Variants in RANBP2 observed in about 807,000 individuals in gnomAD.
The protein encoded by RANBP2 is E3 SUMO-protein ligase RanBP2.
RANBP2 carries 57 observed loss-of-function variants against 303.6 expected under a neutral mutation model. The observed-to-expected ratio is 0.19, with a 90% CI of 0.15 to 0.23. RANBP2 has a LOEUF of 0.23. Ranked by LOEUF, RANBP2 falls within the 10% of genes least tolerant of loss-of-function variation. The pLI is 1.00. For missense variants in RANBP2, 3,138 were observed against 3,780.8 expected (o/e 0.83, Z 4.46); for synonymous variants, 1,167 against 1,301.5 (o/e 0.90, Z 2.23).
the RANBP2 span, chr2:109,501,708 AG>A: frequency 1.4e-6 from 1 of 723,628 alleles, no homozygotes; most frequent in Admixed American, 1.9e-5. Flanking sequence ...ACAGAGGGGG[AG>A]GCCGCCTGGG....
chr2:109,631,782 T>C, the RANBP2 span, among the ~76,000 whole-genome samples: 1 of 151,962 alleles, frequency 6.6e-6, no homozygotes, highest in Non-Finnish European at 1.5e-5. Context: ...GAAAGAAATC[T>C]CATTATCTCT....
At chr2:109,698,199 C>G in the RANBP2 span, among the ~76,000 whole-genome samples, 1 of 151,980 alleles carries the variant, frequency 6.6e-6, no homozygotes, top group East Asian at 1.9e-4. Flanking sequence ...ATAAATTAAC[C>G]CAGTTTTTTT....
chr2:109,049,762 G>A, the RANBP2 span, among the ~76,000 whole-genome samples: 1 of 152,184 alleles, frequency 6.6e-6, no homozygotes, highest in African/African-American at 2.4e-5. Context: ...GGGGATTTAT[G>A]GAGTGTTTCA....
chr2:109,509,564 T>G, the RANBP2 span, among the ~76,000 whole-genome samples: 1 of 152,108 alleles, frequency 6.6e-6, no homozygotes, highest in Non-Finnish European at 1.5e-5. Flanking sequence ...CTTTTTAAAA[T>G]GAATTTGTGT....
chr2:109,763,051 T>G, the RANBP2 span, among the ~76,000 whole-genome samples: 1 of 149,874 alleles, frequency 6.7e-6, no homozygotes, highest in Non-Finnish European at 1.5e-5. Context: ...TTGAGAACTT[T>G]CTGTGTGTCC....
chr2:109,078,096 A>ATATATATATATATAGCGTG, the RANBP2 span, among the ~76,000 whole-genome samples: 13 of 54,636 alleles, frequency 2.4e-4, 1 homozygote, highest in East Asian at 3.6e-3. Flanking sequence ...ATATATATAT[A>ATATATATATATATAGCGTG]TATATATATA....
At chr2:109,070,508 T>C in the RANBP2 span, among the ~76,000 whole-genome samples, 1 of 152,062 alleles carries the variant, frequency 6.6e-6, no homozygotes, top group Non-Finnish European at 1.5e-5. Context: ...GCTGCTGACA[T>C]CATCTTGGTG....
the RANBP2 span, among the ~76,000 whole-genome samples, chr2:109,573,907 T>C: frequency 6.6e-6 from 1 of 152,220 alleles, no homozygotes; most frequent in Non-Finnish European, 1.5e-5. Flanking sequence ...CAATATCTAA[T>C]GCAACATTAG....
the RANBP2 span, among the ~76,000 whole-genome samples, chr2:109,517,251 C>T: frequency 2.0e-5 from 3 of 152,158 alleles, no homozygotes; most frequent in African/African-American, 7.2e-5. Context: ...CCCCCTCCCA[C>T]GCCATCGCCC....
the RANBP2 span, among the ~76,000 whole-genome samples, chr2:109,461,727 T>C: frequency 6.6e-6 from 1 of 152,330 alleles, no homozygotes; most frequent in African/African-American, 2.4e-5. Context: ...TCTGCCACAA[T>C]AGTGCCTCAG....
At chr2:108,727,715 G>A (rs1173326660) in intron 1 of RANBP2, among the ~76,000 whole-genome samples, 1 of 147,662 alleles carries the variant, frequency 6.8e-6, no homozygotes, top group Non-Finnish European at 1.5e-5. Flanking sequence ...GCGATTCTTT[G>A]CCTCAGCCTC....
chr2:109,458,674 C>T, the RANBP2 span, among the ~76,000 whole-genome samples: 2 of 151,778 alleles, frequency 1.3e-5, no homozygotes, highest in Non-Finnish European at 2.9e-5. Context: ...GCCCAGCAGG[C>T]TGGACCCTCA....
the RANBP2 span, among the ~76,000 whole-genome samples, chr2:108,946,126 C>T: frequency 6.6e-6 from 1 of 152,206 alleles, no homozygotes; most frequent in Non-Finnish European, 1.5e-5. Flanking sequence ...CTCCTCCTGG[C>T]AGTCGTCCAC....
the RANBP2 span, among the ~76,000 whole-genome samples, chr2:108,795,266 T>C: frequency 6.8e-6 from 1 of 147,440 alleles, no homozygotes; most frequent in African/African-American, 2.5e-5. Flanking sequence ...GTGATTCTCC[T>C]GCCTCAGCCT....
chr2:109,684,245 C>CTTTTTATTTT, the RANBP2 span, among the ~76,000 whole-genome samples: 1 of 87,154 alleles, frequency 1.1e-5, no homozygotes, highest in African/African-American at 4.3e-5. Flanking sequence ...CCCGGTCTTA[C>CTTTTTATTTT]TTTTTTTTTT....
chr2:109,396,704 T>C, the RANBP2 span, among the ~76,000 whole-genome samples: 1 of 152,232 alleles, frequency 6.6e-6, no homozygotes. Flanking sequence ...ACTTGACTCC[T>C]GGTAGGTGTG....
At chr2:109,559,929 T>G in the RANBP2 span, among the ~76,000 whole-genome samples, 2 of 149,970 alleles carry the variant, frequency 1.3e-5, no homozygotes, top group Non-Finnish European at 3.0e-5. Context: ...TTTTTTTTTT[T>G]TTGTCTTTTA....
the RANBP2 span, among the ~76,000 whole-genome samples, chr2:109,316,009 CAG>C: frequency 6.6e-6 from 1 of 152,190 alleles, no homozygotes; most frequent in Non-Finnish European, 1.5e-5. Flanking sequence ...GTGCATGCAT[CAG>C]GGGCTTTTTT....
chr2:108,794,540 T>G, the RANBP2 span: 1 of 1,594,180 alleles, frequency 6.3e-7, no homozygotes, highest in Non-Finnish European at 8.5e-7. Context: ...TTCTTTGCAG[T>G]TGCCTTGCCA....
Sources: gnomAD v4.1 joint callset for allele counts (sites outside exome capture counted in the v4.1 genomes callset) on GRCh38, gnomAD v4.1.1 for gene constraint, MANE v1.5 for transcripts, NCBI Gene and HGNC (gene_info 2026-07-23, HGNC 2026-07-21) for gene names.